The following RYR2 variants were observed in gnomAD, a reference collection of about 807,000 sequenced individuals.
RYR2 encodes the protein ryanodine receptor 2, also known as cardiac muscle ryanodine receptor-calcium release channel.
Under a neutral mutation model 601.1 loss-of-function variants are expected in RYR2, and 227 were observed. The ratio of observed to expected loss-of-function variants is 0.38; its 90% confidence interval spans 0.34 to 0.42. The LOEUF (loss-of-function observed/expected upper bound fraction) is 0.42, where lower values mean the gene tolerates loss of function less well. Ranked by LOEUF, RYR2 falls within the 10% of genes least tolerant of loss-of-function variation. The pLI is 1.00. For synonymous variants in RYR2, 2,223 were observed against 2,175.1 expected, an observed-to-expected ratio of 1.02 and a Z score of -0.61; for missense variants, 4,646 against 6,156.5, an observed-to-expected ratio of 0.75 and a Z score of 8.21.
intron 2 of RYR2, among the ~76,000 whole-genome samples, chr1:237,324,867 A>G (rs542732648): frequency 1.3e-5 from 2 of 152,334 alleles, no homozygotes; most frequent in East Asian, 3.9e-4. Context: ...ATTGAAAGGC[A>G]GTGTGAAAAG....
chr1:237,309,709 G>A (rs1428878782), intron 2 of RYR2, among the ~76,000 whole-genome samples: 7 of 152,142 alleles, frequency 4.6e-5, no homozygotes, highest in Non-Finnish European at 7.4e-5. Context: ...GCTCGGACAC[G>A]CAGGAGCCCA....
chr1:237,070,627 G>A (rs915910360), intron 1 of RYR2, among the ~76,000 whole-genome samples: 33 of 152,076 alleles, frequency 2.2e-4, no homozygotes, highest in African/African-American at 6.3e-4. Context: ...TTGCACTACT[G>A]TCCCAGATCC....
intron 29 of RYR2, among the ~76,000 whole-genome samples, chr1:237,582,859 C>T (rs148119479): frequency 1.3e-4 from 19 of 151,706 alleles, no homozygotes; most frequent in African/African-American, 3.6e-4. Context: ...TATTCTGAAT[C>T]GTGCTGGGAT....
chr1:237,436,722 A>T (rs1707419360), intron 12 of RYR2, among the ~76,000 whole-genome samples: 1 of 151,300 alleles, frequency 6.6e-6, no homozygotes, highest in African/African-American at 2.4e-5. Context: ...CCATCATCTG[A>T]GGATCTATTA....
At chr1:237,083,031 G>A (rs111543314) in intron 1 of RYR2, among the ~76,000 whole-genome samples, 103 of 152,214 alleles carry the variant, frequency 6.8e-4, no homozygotes, top group African/African-American at 2.0e-3. Flanking sequence ...CTTGTTGCCC[G>A]TTCAGAATTA....
At chr1:237,721,917 A>T (rs1326479969) in intron 73 of RYR2, among the ~76,000 whole-genome samples, 1 of 152,182 alleles carries the variant, frequency 6.6e-6, no homozygotes, top group Non-Finnish European at 1.5e-5. Flanking sequence ...AATTTCTATG[A>T]CTTATAATAA....
At chr1:237,145,906 A>G (rs1175739348) in intron 1 of RYR2, among the ~76,000 whole-genome samples, 1 of 152,218 alleles carries the variant, frequency 6.6e-6, no homozygotes, top group Non-Finnish European at 1.5e-5. Context: ...AGTTAAAGTT[A>G]AAAGGGTTTT....
chr1:237,510,194 G>A (rs1291273116), intron 23 of RYR2, among the ~76,000 whole-genome samples: 5 of 152,286 alleles, frequency 3.3e-5, no homozygotes, highest in Admixed American at 2.6e-4. Flanking sequence ...GGTGAGAGGC[G>A]ACTCAGAGCC....
At chr1:237,107,347 C>A (rs1372049337) in intron 1 of RYR2, among the ~76,000 whole-genome samples, 1 of 150,996 alleles carries the variant, frequency 6.6e-6, no homozygotes, top group Non-Finnish European at 1.5e-5. Context: ...CGGTGAAACC[C>A]CGTCTCTACT....
intron 5 of RYR2, among the ~76,000 whole-genome samples, chr1:237,368,718 T>C (rs564911606): frequency 2.6e-5 from 4 of 152,290 alleles, no homozygotes; most frequent in African/African-American, 9.6e-5. Context: ...CTATAAGCAA[T>C]TGGGAGGAAT....
intron 12 of RYR2, among the ~76,000 whole-genome samples, chr1:237,438,040 A>G (rs1182661849): frequency 6.6e-6 from 1 of 152,102 alleles, no homozygotes; most frequent in Non-Finnish European, 1.5e-5. Flanking sequence ...AGATTGAAAA[A>G]TTTCTACTGA....
intron 3 of RYR2, among the ~76,000 whole-genome samples, chr1:237,346,580 T>C (rs1486877453): frequency 6.6e-6 from 1 of 152,144 alleles, no homozygotes; most frequent in Non-Finnish European, 1.5e-5. Flanking sequence ...GTTGTATGTG[T>C]GTTAGTGTAT....
chr1:237,288,222 T>G (rs1039292329), intron 2 of RYR2, among the ~76,000 whole-genome samples: 1 of 152,100 alleles, frequency 6.6e-6, no homozygotes, highest in Non-Finnish European at 1.5e-5. Flanking sequence ...GTGGTGCGAG[T>G]GTGCAATGGA....
At chr1:237,513,239 G>C (rs371413302) in intron 24 of RYR2, among the ~76,000 whole-genome samples, 4 of 152,296 alleles carry the variant, frequency 2.6e-5, no homozygotes, top group African/African-American at 9.6e-5. Flanking sequence ...ATATAGAAAA[G>C]TAAAGAGAAT....
chr1:237,773,871 G>A (rs1295624654), intron 87 of RYR2, among the ~76,000 whole-genome samples: 5 of 152,254 alleles, frequency 3.3e-5, no homozygotes, highest in African/African-American at 1.2e-4. Context: ...GGGCTGTGAT[G>A]TTAGCTCTAT....
chr1:237,664,848 T>C (rs2148864473), intron 56 of RYR2, among the ~76,000 whole-genome samples: 1 of 152,280 alleles, frequency 6.6e-6, no homozygotes, highest in East Asian at 1.9e-4. Context: ...ATAATGACTT[T>C]GATTTTATAT....
At chr1:237,536,609 G>A (rs1668642967) in intron 25 of RYR2, among the ~76,000 whole-genome samples, 1 of 151,730 alleles carries the variant, frequency 6.6e-6, no homozygotes. Context: ...CTGCTACTGG[G>A]GAGACTGAGG....
intron 25 of RYR2, among the ~76,000 whole-genome samples, chr1:237,536,538 C>A (rs1270658153): frequency 3.9e-5 from 6 of 152,008 alleles, no homozygotes; most frequent in African/African-American, 1.5e-4. Flanking sequence ...CATGGTGAAA[C>A]CCCGTCTCTA....
At chr1:237,691,827 C>T (rs903350532) in intron 63 of RYR2, among the ~76,000 whole-genome samples, 27 of 152,064 alleles carry the variant, frequency 1.8e-4, no homozygotes, top group African/African-American at 5.6e-4. Flanking sequence ...GTGCACATAA[C>T]GAATTTTGGA....
Sources: allele counts gnomAD v4.1 joint callset (sites outside exome capture counted in the v4.1 genomes callset), GRCh38; gene constraint gnomAD v4.1.1; transcripts MANE v1.5; gene names NCBI Gene and HGNC (gene_info 2026-07-23, HGNC 2026-07-21).